The following RANBP2 variants were observed in gnomAD, a reference collection of about 807,000 sequenced individuals.
RANBP2 encodes RAN binding protein 2.
In RANBP2, 57 loss-of-function variants were observed where a neutral mutation model predicts 303.6. That is an observed-to-expected ratio of 0.19 (90% CI 0.15 to 0.23). The LOEUF (loss-of-function observed/expected upper bound fraction) is 0.23. RANBP2 is among the 10% of genes least tolerant of loss of function. RANBP2 has a pLI of 1.00. For synonymous variants in RANBP2, 1,167 were observed against 1,301.5 expected (o/e 0.90, Z 2.23); for missense variants, 3,138 against 3,780.8 (o/e 0.83, Z 4.46).
the RANBP2 span, chr2:108,794,777 G>T: frequency 7.5e-7 from 1 of 1,333,010 alleles, no homozygotes; most frequent in Non-Finnish European, 1.0e-6. Flanking sequence ...TAAGAACCAA[G>T]CATTTACGAA....
the RANBP2 span, among the ~76,000 whole-genome samples, chr2:108,999,220 A>C: frequency 6.6e-6 from 1 of 152,206 alleles, no homozygotes; most frequent in African/African-American, 2.4e-5. Context: ...AGTGGGAAAA[A>C]TAACAGTACC....
chr2:109,076,587 G>A, the RANBP2 span, among the ~76,000 whole-genome samples: 1 of 150,116 alleles, frequency 6.7e-6, no homozygotes, highest in Non-Finnish European at 1.5e-5. Flanking sequence ...AAAATTAATA[G>A]CATTTCCTTA....
the RANBP2 span, among the ~76,000 whole-genome samples, chr2:109,440,713 A>T: frequency 6.6e-6 from 1 of 152,140 alleles, no homozygotes; most frequent in Non-Finnish European, 1.5e-5. Flanking sequence ...GGATGTGGAG[A>T]TCAGAGTTTG....
the RANBP2 span, among the ~76,000 whole-genome samples, chr2:109,548,304 G>A: frequency 1.1e-4 from 17 of 152,250 alleles, no homozygotes; most frequent in Non-Finnish European, 2.2e-4. Context: ...TTGGTCCTCT[G>A]ATCTGGTTAG....
At chr2:109,523,970 G>C in the RANBP2 span, among the ~76,000 whole-genome samples, 1 of 152,176 alleles carries the variant, frequency 6.6e-6, no homozygotes, top group African/African-American at 2.4e-5. Context: ...CCATGTAGCT[G>C]TCTGCATCAC....
the RANBP2 span, among the ~76,000 whole-genome samples, chr2:109,320,636 A>T: frequency 3.3e-5 from 5 of 152,244 alleles, no homozygotes; most frequent in Non-Finnish European, 7.3e-5. Context: ...GCTGGATTCC[A>T]GCTCTATAAC....
chr2:108,837,215 A>G, the RANBP2 span, among the ~76,000 whole-genome samples: 1 of 152,002 alleles, frequency 6.6e-6, no homozygotes, highest in Admixed American at 6.6e-5. Flanking sequence ...GTTTCCCTCT[A>G]TTAAGTTTGT....
chr2:109,176,756 G>A, the RANBP2 span, among the ~76,000 whole-genome samples: 1 of 152,148 alleles, frequency 6.6e-6, no homozygotes, highest in Non-Finnish European at 1.5e-5. Context: ...AGGCATAGGG[G>A]CATGGAAACA....
chr2:109,043,240 G>T, the RANBP2 span, among the ~76,000 whole-genome samples: 14 of 152,166 alleles, frequency 9.2e-5, no homozygotes, highest in Non-Finnish European at 1.8e-4. Context: ...TCATTTGTAC[G>T]TAAATTTTGA....
chr2:108,857,062 ATTGCT>A, the RANBP2 span: 1 of 110,722 alleles, frequency 9.0e-6, no homozygotes, highest in South Asian at 2.3e-4. Flanking sequence ...ATCAGATACT[ATTGCT>A]TTTTTTTTTT....
chr2:109,163,295 T>C, the RANBP2 span, among the ~76,000 whole-genome samples: 1 of 152,070 alleles, frequency 6.6e-6, no homozygotes, highest in Admixed American at 6.6e-5. Flanking sequence ...AAACAGGTGA[T>C]TACCGTGTTG....
At chr2:109,491,465 A>G in the RANBP2 span, among the ~76,000 whole-genome samples, 1 of 152,312 alleles carries the variant, frequency 6.6e-6, no homozygotes, top group East Asian at 1.9e-4. Context: ...ACCCTTTGAA[A>G]TTGCCCATAT....
the RANBP2 span, among the ~76,000 whole-genome samples, chr2:109,521,907 G>A: frequency 6.6e-6 from 1 of 152,250 alleles, no homozygotes; most frequent in African/African-American, 2.4e-5. Flanking sequence ...TGTATTTTCT[G>A]CAGGGATGGG....
chr2:109,108,561 C>T, the RANBP2 span, among the ~76,000 whole-genome samples: 1 of 152,324 alleles, frequency 6.6e-6, no homozygotes, highest in Non-Finnish European at 1.5e-5. Context: ...CTGTTACACA[C>T]ATGGACTGGG....
At chr2:109,766,673 A>G in the RANBP2 span, among the ~76,000 whole-genome samples, 10 of 147,384 alleles carry the variant, frequency 6.8e-5, no homozygotes, top group African/African-American at 1.3e-4. Flanking sequence ...CAACTTGAAC[A>G]AAGACCTTTG....
At chr2:109,039,138 C>A in the RANBP2 span, among the ~76,000 whole-genome samples, 3 of 152,200 alleles carry the variant, frequency 2.0e-5, no homozygotes, top group East Asian at 5.8e-4. Context: ...AGACTGAGAT[C>A]ACTGAAGGAG....
At chr2:109,526,861 T>C in the RANBP2 span, among the ~76,000 whole-genome samples, 1 of 152,174 alleles carries the variant, frequency 6.6e-6, no homozygotes, top group South Asian at 2.1e-4. Context: ...CCCTCTCTGA[T>C]GGCCTACAAA....
chr2:109,465,568 C>A, the RANBP2 span, among the ~76,000 whole-genome samples: 1 of 152,152 alleles, frequency 6.6e-6, no homozygotes, highest in Non-Finnish European at 1.5e-5. Flanking sequence ...TTTGCAGTTC[C>A]CTAATGACAT....
the RANBP2 span, among the ~76,000 whole-genome samples, chr2:109,748,872 CAATAAATA>C: frequency 2.6e-3 from 117 of 45,046 alleles, 13 homozygotes; most frequent in Middle Eastern, 0.023. Flanking sequence ...GACTCCATCT[CAATAAATA>C]AATAAATAAA....
Sources: gnomAD v4.1 joint callset for allele counts (sites outside exome capture counted in the v4.1 genomes callset) on GRCh38, gnomAD v4.1.1 for gene constraint, MANE v1.5 for transcripts, NCBI Gene and HGNC (gene_info 2026-07-23, HGNC 2026-07-21) for gene names.